The following FNIP1 variants were observed in gnomAD, a reference collection of about 807,000 sequenced individuals.
FNIP1 encodes folliculin-interacting protein 1.
Under a neutral mutation model 124.5 loss-of-function variants are expected in FNIP1, and 40 were observed. The observed-to-expected ratio is 0.32, with a 90% CI of 0.25 to 0.42. The LOEUF is 0.42. Among genes scored for constraint, FNIP1 ranks in the 10% least tolerant of loss-of-function variants. The pLI is 1.00. For missense variants in FNIP1, 1,176 were observed against 1,403.7 expected, an observed-to-expected ratio of 0.84 and a Z score of 2.59; for synonymous variants, 472 against 470.6, an observed-to-expected ratio of 1.00 and a Z score of -0.04.
intron 15 of FNIP1, among the ~76,000 whole-genome samples, chr5:131,658,828 T>A (rs1242265118): frequency 7.2e-6 from 1 of 138,008 alleles, no homozygotes; most frequent in Non-Finnish European, 1.5e-5. Context: ...CTCGGCCACA[T>A]TGCAGAACTT....
intron 11 of FNIP1, among the ~76,000 whole-genome samples, chr5:131,681,471 C>T (rs2149519500): frequency 6.6e-6 from 1 of 152,000 alleles, no homozygotes; most frequent in South Asian, 2.1e-4. Flanking sequence ...GAGAAAAAGA[C>T]AAGAACAGAA....
chr5:131,709,109 T>G (rs1354612465), intron 8 of FNIP1, 92 bp downstream of exon 8: 11 of 989,434 alleles, frequency 1.1e-5, no homozygotes, highest in Non-Finnish European at 1.8e-5. Flanking sequence ...AATATCAATA[T>G]GAACAAATTT....
chr5:131,758,098 C>T (rs1771109511), intron 1 of FNIP1, among the ~76,000 whole-genome samples: 1 of 152,044 alleles, frequency 6.6e-6, no homozygotes, highest in African/African-American at 2.4e-5. Flanking sequence ...AACTTATTAC[C>T]TAAAAGTTGC....
intron 13 of FNIP1, 118 bp downstream of exon 13, chr5:131,677,585 G>T: frequency 2.2e-6 from 2 of 918,070 alleles, no homozygotes; most frequent in Non-Finnish European, 3.3e-6. Context: ...GCAAAGCAGA[G>T]ATGCTTTAGA....
chr5:131,733,922 A>G (rs1770193130), intron 2 of FNIP1, among the ~76,000 whole-genome samples: 2 of 152,138 alleles, frequency 1.3e-5, no homozygotes, highest in Admixed American at 1.3e-4. Context: ...TCCTCCTTCT[A>G]CCTCTGGTAG....
At chr5:131,787,880 G>A (rs1772269593) in intron 1 of FNIP1, among the ~76,000 whole-genome samples, 1 of 151,962 alleles carries the variant, frequency 6.6e-6, no homozygotes, top group African/African-American at 2.4e-5. Context: ...AGAGGCCAAC[G>A]TGGGACCACT....
chr5:131,763,742 A>C (rs1771321195), intron 1 of FNIP1, among the ~76,000 whole-genome samples: 1 of 152,206 alleles, frequency 6.6e-6, no homozygotes, highest in Admixed American at 6.5e-5. Context: ...TTTTAAGCTA[A>C]AAACAAAATG....
At position 131,672,943 on chromosome 5, in the gene FNIP1, G is replaced by T; in HGVS notation, c.1520-19C>A. 6.7e-7 allele frequency: 1 copy of T among 1,497,906 alleles called. No homozygotes were observed. The highest frequency in any genetic ancestry group is 1.4e-5 in the South Asian group (1 of 70,950). The allele number at this position is 1,497,906 out of a possible 1,614,324, so 92.8% of individuals were successfully genotyped here. On this transcript the variant is annotated intron_variant, in intron 13 of 17. Transcript: ENST00000510461. ...AAGTCTCCTGTAATGGAAAAAATCA[G>T]TTATTGGACATGTCCTTTACTGACA...
At chr5:131,773,972 T>C (rs896210925) in intron 1 of FNIP1, among the ~76,000 whole-genome samples, 9 of 152,202 alleles carry the variant, frequency 5.9e-5, no homozygotes, top group African/African-American at 1.9e-4. Flanking sequence ...AGGGGGAGGA[T>C]GTGCCCAACA....
chr5:131,764,651 A>T (rs1281719214), intron 1 of FNIP1, among the ~76,000 whole-genome samples: 17 of 152,160 alleles, frequency 1.1e-4, no homozygotes, highest in Non-Finnish European at 2.2e-4. Context: ...GTAACTAACA[A>T]AATACGACTG....
rs184629094 is a variant in FNIP1 at position 131,733,292 on chromosome 5, C to A, written c.220-2254G>T. ...TCTGCAAACAGGGACAATTTAACTT[C>A]CTCTTTTCCTAAATGAATACCCTTT... On this transcript the variant is annotated intron_variant, in intron 2 of 17. Coordinates refer to ENST00000510461, the MANE Select transcript of FNIP1 (RefSeq NM_133372.3). Among the ~76,000 whole-genome samples the A allele has an allele frequency of 2.5e-3, 383 of 152,258 alleles. 3 individuals are homozygous for A. The highest frequency in any genetic ancestry group is 3.7e-3 in the Non-Finnish European group (250 of 68,010).
intron 15 of FNIP1, among the ~76,000 whole-genome samples, chr5:131,657,024 T>C (rs1339935327): frequency 6.9e-6 from 1 of 144,276 alleles, no homozygotes; most frequent in Non-Finnish European, 1.5e-5. Context: ...CATGCCTTTT[T>C]TTTTTTTTTT....
intron 3 of FNIP1, among the ~76,000 whole-genome samples, chr5:131,722,174 A>G (rs763173892): frequency 6.6e-6 from 1 of 152,234 alleles, no homozygotes; most frequent in Admixed American, 6.5e-5. Flanking sequence ...TAAGATGTAA[A>G]TGGAAGTCAC....
Position 131,796,950 on chromosome 5 carries a change from C to T in FNIP1, c.-29G>A. ...AGCCACGGCCAGGCAGGGGTCGCTC[C>T]GCTGGGCGCTTGCTAGGCCCCTGCT... is the stretch of plus-strand genomic sequence containing the variant. On this transcript the variant is annotated 5_prime_UTR_variant, in exon 1 of 18. Coordinates refer to ENST00000510461, the MANE Select transcript of FNIP1 (RefSeq NM_133372.3). 6.4e-7 allele frequency: 1 copy of T among 1,570,512 alleles called. No homozygotes were observed. Among genetic ancestry groups the T allele is most frequent in the Non-Finnish European group, 8.6e-7 (1 of 1,157,060 alleles).
intron 11 of FNIP1, among the ~76,000 whole-genome samples, chr5:131,689,298 T>C (rs1360695045): frequency 6.6e-6 from 1 of 151,962 alleles, no homozygotes; most frequent in Non-Finnish European, 1.5e-5. Flanking sequence ...CAGAAAAAAA[T>C]GACATTTAAT....
At chr5:131,691,432 GACAA>G (rs1359260507) in intron 11 of FNIP1, among the ~76,000 whole-genome samples, 1 of 152,042 alleles carries the variant, frequency 6.6e-6, no homozygotes, top group African/African-American at 2.4e-5. Context: ...TAGGAAACTA[GACAA>G]ACAGCAACAT....
chr5:131,678,858 AGG>A (rs1277960012), intron 12 of FNIP1, among the ~76,000 whole-genome samples, 169 bp downstream of exon 12: 1 of 152,178 alleles, frequency 6.6e-6, no homozygotes, highest in Non-Finnish European at 1.5e-5. Context: ...TTCATTCATA[AGG>A]TTCTGTAATA....
intron 13 of FNIP1, among the ~76,000 whole-genome samples, chr5:131,674,366 C>A (rs181784611): frequency 6.6e-6 from 1 of 152,174 alleles, no homozygotes; most frequent in East Asian, 1.9e-4. Flanking sequence ...TAGAAATTAG[C>A]ATTTCTATAT....
At chr5:131,726,037 A>C (rs1329665404) in intron 3 of FNIP1, among the ~76,000 whole-genome samples, 2 of 152,158 alleles carry the variant, frequency 1.3e-5, no homozygotes. Flanking sequence ...CATCCCAGGG[A>C]CAAAGGCGAC....
Sources: allele counts gnomAD v4.1 joint callset (sites outside exome capture counted in the v4.1 genomes callset), GRCh38; gene constraint gnomAD v4.1.1; transcripts MANE v1.5; gene names NCBI Gene and HGNC (gene_info 2026-07-23, HGNC 2026-07-21).